SCARB1: variants seen among roughly 807,000 people sequenced by gnomAD.
The protein encoded by SCARB1 is CD36 and LIMPII analogous 1.
In SCARB1, 30 loss-of-function variants were observed where a neutral mutation model predicts 57.2. That is an observed-to-expected ratio of 0.52 (90% confidence interval 0.39 to 0.71). The LOEUF (loss-of-function observed/expected upper bound fraction) is 0.71. SCARB1 is among the 30% of genes least tolerant of loss of function. The pLI is 0.00. For synonymous variants in SCARB1, 249 were observed against 268.3 expected, an observed-to-expected ratio of 0.93 and a Z score of 0.70; for missense variants, 543 against 671.2, an observed-to-expected ratio of 0.81 and a Z score of 2.11.
chr12:124,832,966 G>A (rs1951467598), intron 1 of SCARB1, among the ~76,000 whole-genome samples: 1 of 151,966 alleles, frequency 6.6e-6, no homozygotes, highest in Non-Finnish European at 1.5e-5. Context: ...TCACGGTGCA[G>A]GCAGGGTGCT....
chr12:124,795,141 G>A (rs1949898760), intron 9 of SCARB1, 54 bp downstream of exon 9: 10 of 1,441,596 alleles, frequency 6.9e-6, no homozygotes, highest in South Asian at 5.7e-5. Flanking sequence ...CTGGAGCACT[G>A]AGCACCTAAT....
chr12:124,830,457 C>T (rs1461756040), intron 1 of SCARB1, among the ~76,000 whole-genome samples: 3 of 152,192 alleles, frequency 2.0e-5, no homozygotes, highest in Admixed American at 1.3e-4. Context: ...CAAGTGAATG[C>T]ATGACAAATG....
intron 1 of SCARB1, among the ~76,000 whole-genome samples, chr12:124,821,057 T>C (rs1408762380): frequency 6.6e-6 from 1 of 152,058 alleles, no homozygotes; most frequent in Non-Finnish European, 1.5e-5. Flanking sequence ...AGCCTGAGCA[T>C]GGAGACTCCA....
At position 124,817,700 on chromosome 12, in the gene SCARB1, C is replaced by A. The variant is rs1380121154; in HGVS notation, c.134G>T (p.Arg45Leu). ...LIKQQVLKNV[R>L]IDPSSLSFNM... is the part of the protein sequence containing the mutation. ...GAAGGACAGGCTACTGGGGTCGATG[C>A]GCACGTTCTGCAGGGGAAGGGACAA... The change falls in exon 2 of 13, where the codon CGC becomes CTC. Residue 45 changes from arginine to leucine, a missense_variant. Transcript: ENST00000261693. The surrounding 1 kb of genome is among the most constrained non-coding windows in gnomAD (Gnocchi z 4.8). The A allele has an allele frequency of 6.2e-7, 1 of 1,614,120 alleles. No individual in the cohort carries two copies. Among genetic ancestry groups the A allele is most frequent in the Admixed American group, 1.7e-5 (1 of 60,026 alleles).
At chr12:124,854,502 A>T (rs1952552826) in intron 1 of SCARB1, among the ~76,000 whole-genome samples, 1 of 151,762 alleles carries the variant, frequency 6.6e-6, no homozygotes, top group African/African-American at 2.4e-5. Context: ...TTATTGAGAA[A>T]CCCCACTGGG....
intron 1 of SCARB1, among the ~76,000 whole-genome samples, chr12:124,858,973 C>T (rs1372601457): frequency 6.6e-6 from 1 of 152,142 alleles, no homozygotes; most frequent in Non-Finnish European, 1.5e-5. Context: ...CTCCTGGGCT[C>T]AAGATATCCT....
At chr12:124,856,136 A>G (rs1427551309) in intron 1 of SCARB1, among the ~76,000 whole-genome samples, 2 of 152,264 alleles carry the variant, frequency 1.3e-5, no homozygotes, top group African/African-American at 4.8e-5. Context: ...TGGCCCCAGA[A>G]AGGCCAACCA....
In SCARB1 at chr12:124,817,565, C is replaced by T; in HGVS notation, c.269G>A (p.Gly90Glu). 6.2e-7 allele frequency: 1 copy of T among 1,614,078 alleles called. No homozygotes were observed. Residue 90 changes from glycine (G) to glutamate (E), a missense_variant, in exon 2 of 13, where the codon GGG becomes GAG. By Grantham distance (98) the Gly-to-Glu change is moderately conservative. Coordinates refer to ENST00000261693, the MANE Select transcript of SCARB1 (RefSeq NM_005505.5). The surrounding 1 kb of genome is among the most constrained non-coding windows in gnomAD (Gnocchi z 4.8). ...ACAGCCTCACCTGTACACGTAGGGCCCGCGCTCCCGCACCTGCGGCTTCTC... is the reference window on the plus strand; with the variant it reads ...ACAGCCTCACCTGTACACGTAGGGCTCGCGCTCCCGCACCTGCGGCTTCTC... ...KGEKPQVRER[G>E]PYVYREFRHK... is the part of the protein sequence containing the mutation.
chr12:124,851,167 G>A (rs995872635), intron 1 of SCARB1, among the ~76,000 whole-genome samples: 7 of 152,188 alleles, frequency 4.6e-5, no homozygotes, highest in African/African-American at 1.7e-4. Context: ...CCTCAGGAAG[G>A]TTCCCTTCCA....
At chr12:124,829,217 G>A (rs766513731) in intron 1 of SCARB1, among the ~76,000 whole-genome samples, 3 of 152,150 alleles carry the variant, frequency 2.0e-5, no homozygotes, top group Non-Finnish European at 4.4e-5. Context: ...CCCTCCATCA[G>A]CAAGGCTGGG....
intron 1 of SCARB1, among the ~76,000 whole-genome samples, chr12:124,837,048 C>A (rs775593785): frequency 6.6e-6 from 1 of 152,124 alleles, no homozygotes; most frequent in Non-Finnish European, 1.5e-5. Flanking sequence ...TCCTGGTCCC[C>A]GGGCACAGAG....
chr12:124,842,953 G>A (rs1022009742), intron 1 of SCARB1, among the ~76,000 whole-genome samples: 1 of 152,206 alleles, frequency 6.6e-6, no homozygotes, highest in Non-Finnish European at 1.5e-5. Context: ...TGCCACGGAC[G>A]GGAAGGATAC....
At chr12:124,808,554 C>A (rs957541266) in intron 6 of SCARB1, among the ~76,000 whole-genome samples, 1 of 152,224 alleles carries the variant, frequency 6.6e-6, no homozygotes, top group Non-Finnish European at 1.5e-5. Context: ...CTGGCATCTT[C>A]ATCCACCAGA....
intron 2 of SCARB1, among the ~76,000 whole-genome samples, chr12:124,816,673 G>A (rs1353959080): frequency 6.6e-6 from 1 of 152,120 alleles, no homozygotes; most frequent in African/African-American, 2.4e-5. Context: ...TGGGAAGTGG[G>A]GGTGTGGAGG....
At position 124,778,527 on chromosome 12, in the gene SCARB1, G is replaced by A. The variant is rs1410856971; in HGVS notation, c.*60C>T. 8 of 1,373,874 alleles carry A rather than the reference G, an allele frequency of 5.8e-6. No homozygotes were observed. The highest frequency in any genetic ancestry group is 1.8e-5 in the South Asian group (1 of 54,912). 85.1% of individuals were successfully genotyped at this position (1,373,874 alleles called of 1,614,324 possible). ...AGTCCGGGAGAAGCGGGGTGTAGGG[G>A]CTGGGGGGCCGGTCAGGCCCAGCGG... On this transcript the variant is annotated 3_prime_UTR_variant, in exon 13 of 13. Coordinates refer to ENST00000261693, the MANE Select transcript of SCARB1 (RefSeq NM_005505.5).
chr12:124,777,222 CCG>C lies in SCARB1; in HGVS notation c.*1363_*1364del, dbSNP rs1055998852. The C allele has an allele frequency of 3.3e-5, 5 of 152,078 alleles. No individual in the cohort carries two copies. Among genetic ancestry groups the C allele is most frequent in the African/African-American group, 1.2e-4 (5 of 41,420 alleles). 9.4% of individuals were successfully genotyped at this position (152,078 alleles called of 1,614,324 possible). A position where few individuals can be genotyped will look rare whatever the true frequency, so the allele number is the denominator to read the frequency against. On this transcript the variant is annotated 3_prime_UTR_variant, in exon 13 of 13. Transcript: ENST00000261693. ...AGATGGCTCCAATCTGTTCTCTTAC[CCG>C]CTTCTCTTCTTCACCATTTATGTAA...
At chr12:124,861,977 C>T (rs1412193367) in intron 1 of SCARB1, among the ~76,000 whole-genome samples, 1 of 152,092 alleles carries the variant, frequency 6.6e-6, no homozygotes, top group African/African-American at 2.4e-5. Flanking sequence ...GTTGGCAAGA[C>T]TCTTTACCTG....
rs376001858 is a variant in SCARB1 at position 124,787,465 on chromosome 12, T to A, written c.1203-8A>T. On this transcript the variant is annotated splice_region_variant and splice_polypyrimidine_tract_variant and intron_variant, in intron 9 of 12. Transcript: ENST00000261693. Reference sequence around the variant, plus strand: ...TCAATCTTCCCAGTTTGTCTGGAAATAAGCAAGACATAGCTGTGTGAAACA... The same window carrying A: ...TCAATCTTCCCAGTTTGTCTGGAAAAAAGCAAGACATAGCTGTGTGAAACA... 5 of 1,612,742 alleles carry A rather than the reference T, an allele frequency of 3.1e-6. No homozygotes were observed. The highest frequency in any genetic ancestry group is 4.2e-6 in the Non-Finnish European group (5 of 1,179,406).
chr12:124,816,268 A>C (rs923806895), intron 2 of SCARB1, among the ~76,000 whole-genome samples: 2 of 150,954 alleles, frequency 1.3e-5, no homozygotes, highest in African/African-American at 4.8e-5. Flanking sequence ...TCCCCATCAG[A>C]ACATCAGCTT....
Sources: gnomAD v4.1 joint callset for allele counts (sites outside exome capture counted in the v4.1 genomes callset) on GRCh38, gnomAD v4.1.1 for gene constraint, Gnocchi (gnomAD v3.1) non-coding constraint, MANE v1.5 for transcripts, NCBI Gene and HGNC (gene_info 2026-07-23, HGNC 2026-07-21) for gene names.